Variants in GLIS3 observed in about 807,000 individuals in gnomAD.
The protein encoded by GLIS3 is zinc finger protein GLIS3.
In GLIS3, 53 loss-of-function variants were observed where a neutral mutation model predicts 78.6. That is an observed-to-expected ratio of 0.67 (90% CI 0.54 to 0.85). The LOEUF is 0.85. GLIS3 is among the 40% of genes least tolerant of loss of function. GLIS3 has a pLI of 0.00. For synonymous variants in GLIS3, 684 were observed against 509.9 expected (o/e 1.34, Z -4.60); for missense variants, 1,703 against 1,231.1 (o/e 1.38, Z -5.74).
At chr9:3,905,140 ATTTTTTTCTT>A (rs1248696530) in intron 6 of GLIS3, among the ~76,000 whole-genome samples, 3 of 109,124 alleles carry the variant, frequency 2.7e-5, no homozygotes, top group Non-Finnish European at 3.6e-5. Context: ...GCCCGGTTAA[ATTTTTTTCTT>A]TTTTTTTTTT....
At chr9:4,463,511 T>C in the GLIS3 span, among the ~76,000 whole-genome samples, 1 of 152,190 alleles carries the variant, frequency 6.6e-6, no homozygotes, top group Non-Finnish European at 1.5e-5. Flanking sequence ...ATGTTGGCAA[T>C]CTCAGGCATC....
Position 4,031,748 on chromosome 9 carries a change from T to G in GLIS3, c.1710+86020A>C, listed in dbSNP as rs139945929. Among the ~76,000 whole-genome samples the G allele has an allele frequency of 6.6e-5, 10 of 152,246 alleles. No homozygotes were observed. In the East Asian group the frequency reaches 1.9e-3, roughly 29 times the overall value. On this transcript the variant is annotated intron_variant, in intron 4 of 10. Transcript: ENST00000381971. ...AAGGAAAAAAATACTCCTAAAAGTA[T>G]AAAGGTGATGATGGAACAGTCAAGC...
intron 4 of GLIS3, among the ~76,000 whole-genome samples, chr9:3,943,267 T>C (rs1816066682): frequency 6.6e-6 from 1 of 152,246 alleles, no homozygotes; most frequent in African/African-American, 2.4e-5. Context: ...TTCAAATGTT[T>C]TGAGGCTTTT....
chr9:4,128,138 G>A (rs12353136), intron 2 of GLIS3, among the ~76,000 whole-genome samples: 13,689 of 152,186 alleles, frequency 0.09, 1,181 homozygotes, highest in African/African-American at 0.23. Flanking sequence ...TCTTGTTCAT[G>A]CTCTTCTCTT....
chr9:4,411,841 T>C, the GLIS3 span, among the ~76,000 whole-genome samples: 2 of 152,190 alleles, frequency 1.3e-5, no homozygotes, highest in Non-Finnish European at 2.9e-5. Context: ...ATGTGTTCTC[T>C]CAAAGTCAGA....
At chr9:4,285,390 C>A (rs1479092875) in intron 2 of GLIS3, 2 of 152,094 alleles carry the variant, frequency 1.3e-5, no homozygotes, top group African/African-American at 4.8e-5. Flanking sequence ...CACATTCTCT[C>A]TATACTTCAA....
chr9:3,973,070 T>A (rs775690841), intron 4 of GLIS3, among the ~76,000 whole-genome samples: 29 of 152,166 alleles, frequency 1.9e-4, no homozygotes, highest in Non-Finnish European at 3.8e-4. Context: ...ACTGAAGCTA[T>A]CATATTCATA....
intron 6 of GLIS3, among the ~76,000 whole-genome samples, chr9:3,915,721 G>A (rs962363329): frequency 2.0e-5 from 3 of 152,136 alleles, no homozygotes; most frequent in Non-Finnish European, 4.4e-5. Context: ...TGCTATTACT[G>A]GAAGTAATTT....
At chr9:3,864,120 A>C (rs1820415723) in intron 8 of GLIS3, among the ~76,000 whole-genome samples, 1 of 152,158 alleles carries the variant, frequency 6.6e-6, no homozygotes, top group Admixed American at 6.5e-5. Context: ...GTGGTCCTAG[A>C]CATTTGATGT....
chr9:4,276,211 A>C (rs999215302), intron 2 of GLIS3, among the ~76,000 whole-genome samples: 2 of 148,878 alleles, frequency 1.3e-5, no homozygotes, highest in African/African-American at 5.0e-5. Flanking sequence ...TGAACCTAGG[A>C]GGTGGAGGTT....
chr9:4,187,511 A>G (rs9776754), intron 2 of GLIS3, among the ~76,000 whole-genome samples: 10,282 of 152,134 alleles, frequency 0.068, 497 homozygotes, highest in East Asian at 0.22. Flanking sequence ...ACTTTAAAGT[A>G]GTTTTTTCCA....
chr9:4,419,642 T>C, the GLIS3 span, among the ~76,000 whole-genome samples: 1 of 142,478 alleles, frequency 7.0e-6, no homozygotes, highest in Non-Finnish European at 1.5e-5. Flanking sequence ...TAGCCGGGCG[T>C]GGTGGTCCAC....
chr9:4,089,722 G>A lies in GLIS3; in HGVS notation c.1710+28046C>T, dbSNP rs140120993. 7.1e-3 allele frequency among the ~76,000 whole-genome samples: 1,087 copies of A among 152,158 alleles called. 10 individuals are homozygous for A. The highest frequency in any genetic ancestry group is 0.025 in the African/African-American group (1,038 of 41,498). The stretch of plus-strand genomic sequence containing the variant: ...TAATCTCAGCTACTTGGGAGGCTGA[G>A]GTGGGAGGATCGCTTGAGTCCAGGA... On this transcript the variant is annotated intron_variant, in intron 4 of 10. Transcript: ENST00000381971.
chr9:4,356,264 C>A, the GLIS3 span, among the ~76,000 whole-genome samples: 2 of 152,178 alleles, frequency 1.3e-5, no homozygotes, highest in Non-Finnish European at 2.9e-5. Context: ...GAGAGACTGG[C>A]CCACAATTTA....
intron 4 of GLIS3, among the ~76,000 whole-genome samples, chr9:3,968,333 G>A (rs13292794): frequency 0.015 from 2,259 of 152,224 alleles, 27 homozygotes; most frequent in Non-Finnish European, 0.023. Flanking sequence ...GAGCTTAACA[G>A]CACTTGTCTC....
At chr9:4,224,772 A>C (rs1227797455) in intron 2 of GLIS3, among the ~76,000 whole-genome samples, 2 of 149,764 alleles carry the variant, frequency 1.3e-5, no homozygotes, top group African/African-American at 4.9e-5. Context: ...CTGTTTTTGG[A>C]ACAAAGGAAG....
chr9:3,983,850 A>AG (rs1387598017), intron 4 of GLIS3, among the ~76,000 whole-genome samples: 3 of 152,352 alleles, frequency 2.0e-5, no homozygotes, highest in African/African-American at 7.2e-5. Flanking sequence ...AAGTTTGGAA[A>AG]TTTGCAGCCT....
chr9:4,018,365 GAA>G (rs1451376831), intron 4 of GLIS3, among the ~76,000 whole-genome samples: 1 of 152,202 alleles, frequency 6.6e-6, no homozygotes, highest in East Asian at 1.9e-4. Context: ...TCTGTCCCCA[GAA>G]CCCACAGCTG....
intron 2 of GLIS3, among the ~76,000 whole-genome samples, chr9:4,188,180 T>G (rs1317801596): frequency 6.6e-6 from 1 of 151,690 alleles, no homozygotes; most frequent in Non-Finnish European, 1.5e-5. Context: ...CATCAATACC[T>G]AATTTATTGA....
Sources: gnomAD v4.1 joint callset for allele counts (sites outside exome capture counted in the v4.1 genomes callset) on GRCh38, gnomAD v4.1.1 for gene constraint, MANE v1.5 for transcripts, NCBI Gene and HGNC (gene_info 2026-07-23, HGNC 2026-07-21) for gene names.